The following ZNF514 variants were observed in gnomAD, a reference collection of about 807,000 sequenced individuals.
ZNF514 encodes zinc finger protein 514.
ZNF514 carries 12 observed loss-of-function variants against 9.7 expected under a neutral mutation model. That is an observed-to-expected ratio of 1.24 (90% CI 0.79 to 2.01). The LOEUF (loss-of-function observed/expected upper bound fraction) is 2.01. ZNF514 is among the 30% of genes most tolerant of loss of function. The probability of loss-of-function intolerance (pLI) is 0.00; values close to 1 mark genes in which losing one functional copy is unlikely to be tolerated. For missense variants in ZNF514, 467 were observed against 465.5 expected (o/e 1.00, Z -0.03); for synonymous variants, 158 against 163.7 (o/e 0.97, Z 0.27).
chr2:95,126,392 A>AAAAAAAAAAAAAAAAAAAAAAAAG, the ZNF514 span, among the ~76,000 whole-genome samples: 43 of 84,450 alleles, frequency 5.1e-4, no homozygotes, highest in Non-Finnish European at 7.0e-4. Flanking sequence ...AAAAAAAAAA[A>AAAAAAAAAAAAAAAAAAAAAAAAG]AAAGAAAGAA....
the ZNF514 span, among the ~76,000 whole-genome samples, chr2:95,130,229 C>T: frequency 2.0e-5 from 3 of 151,906 alleles, no homozygotes; most frequent in African/African-American, 7.3e-5. Context: ...AGGGAGTGTG[C>T]GAATAGGTGT....
the ZNF514 span, among the ~76,000 whole-genome samples, chr2:95,139,602 A>T: frequency 0.79 from 120,250 of 151,696 alleles, 47,988 homozygotes; most frequent in African/African-American, 0.87. Context: ...AAATAACTTG[A>T]TTTTTTTTAT....
Position 95,150,107 on chromosome 2 carries a change from C to T in ZNF514, c.378G>A (p.Gln126=), listed in dbSNP as rs1219867408. 1 of 1,612,576 alleles carries T rather than the reference C, an allele frequency of 6.2e-7. No individual in the cohort carries two copies. The highest frequency in any genetic ancestry group is 8.5e-7 in the Non-Finnish European group (1 of 1,180,018). The change falls in exon 5 of 5, where the codon CAG becomes CAA. Residue 126 remains glutamine, a synonymous_variant. Coordinates refer to ENST00000295208, the MANE Select transcript of ZNF514 (RefSeq NM_032788.3). ...TCAGGTGTCTCTCCTGTTTTATCTGCTGCATCTCTAACTGGCCATCACAAC... is the reference window on the plus strand; with the variant it reads ...TCAGGTGTCTCTCCTGTTTTATCTGTTGCATCTCTAACTGGCCATCACAAC... The part of the protein sequence containing the change: ...ACGCDGQLEM[Q]QIKQERHLKQ...
chr2:95,149,921 A>G lies in ZNF514; in HGVS notation c.564T>C (p.Thr188=). ...SYKCDTEFRQ[T]LGGNNSQRTH... is the part of the protein sequence containing the mutation. Reference sequence around the variant, plus strand: ...TTCTCTGAGAGTTGTTTCCCCCTAAAGTCTGCCTGAATTCTGTATCACATT... The same window carrying G: ...TTCTCTGAGAGTTGTTTCCCCCTAAGGTCTGCCTGAATTCTGTATCACATT... Residue 188 remains threonine (T), a synonymous_variant, in exon 5 of 5, where the codon ACT becomes ACC. Transcript: ENST00000295208. 3 of 1,614,208 alleles carry G rather than the reference A, an allele frequency of 1.9e-6. No individual in the cohort carries two copies. Among genetic ancestry groups the G allele is most frequent in the Non-Finnish European group, 2.5e-6 (3 of 1,180,028 alleles).
In ZNF514 at chr2:95,145,587, C is replaced by T. The variant is rs929879106; in HGVS notation, c.*3695G>A. Among the ~76,000 whole-genome samples the T allele has an allele frequency of 9.2e-5, 14 of 152,124 alleles. No homozygotes were observed. The highest frequency in any genetic ancestry group is 1.8e-4 in the Non-Finnish European group (12 of 68,028). ...TTGATTCCAGGTCTTTGGATAAACCCACTGCCAATCAGAAAATCTTTGAAT... is the reference window on the plus strand; with the variant it reads ...TTGATTCCAGGTCTTTGGATAAACCTACTGCCAATCAGAAAATCTTTGAAT... On this transcript the variant is annotated 3_prime_UTR_variant, in exon 5 of 5. Coordinates refer to ENST00000295208, the MANE Select transcript of ZNF514 (RefSeq NM_032788.3).
chr2:95,158,840 C>G, intron 1 of ZNF514: 1 of 1,286,582 alleles, frequency 7.8e-7, no homozygotes, highest in Non-Finnish European at 1.0e-6. Flanking sequence ...ACACGGAAGG[C>G]AGATGAAGTA....
At chr2:95,136,259 C>T in the ZNF514 span, among the ~76,000 whole-genome samples, 3 of 151,728 alleles carry the variant, frequency 2.0e-5, no homozygotes, top group Non-Finnish European at 4.4e-5. Flanking sequence ...TAAACATCTA[C>T]AATGCTTTTT....
chr2:95,137,118 T>A, the ZNF514 span, among the ~76,000 whole-genome samples: 1 of 152,158 alleles, frequency 6.6e-6, no homozygotes, highest in Non-Finnish European at 1.5e-5. Flanking sequence ...AAAGATAGTA[T>A]GAGAAGTGAT....
the ZNF514 span, among the ~76,000 whole-genome samples, chr2:95,131,882 C>T: frequency 1.3e-5 from 2 of 152,120 alleles, no homozygotes; most frequent in African/African-American, 4.8e-5. Flanking sequence ...GTGGCTCACA[C>T]CTGTAATCAC....
In ZNF514 at chr2:95,152,752, G is replaced by C. The variant is rs375276324; in HGVS notation, c.139C>G (p.Pro47Ala). 3.1e-6 allele frequency: 5 copies of C among 1,614,150 alleles called. No homozygotes were observed. Among genetic ancestry groups the C allele is most frequent in the Non-Finnish European group, 4.2e-6 (5 of 1,180,012 alleles). Residue 47 changes from proline (P) to alanine (A), a missense_variant, in exon 4 of 5, where the codon CCA becomes GCA. By Grantham distance (27) the Pro-to-Ala change is conservative (BLOSUM62 -1). Transcript: ENST00000295208. ...LAILGLLVSK[P>A]YVICQLEEGG... ...TCCTCCAACTGGCAGATCACATATG[G>C]TTTGGATACTAGAAGGCCTGATGGT...
At chr2:95,125,486 C>T in the ZNF514 span, among the ~76,000 whole-genome samples, 1 of 152,174 alleles carries the variant, frequency 6.6e-6, no homozygotes, top group Non-Finnish European at 1.5e-5. Context: ...GATTCACCCA[C>T]CTTGGCCTCC....
chr2:95,124,702 A>T, the ZNF514 span, among the ~76,000 whole-genome samples: 2 of 151,822 alleles, frequency 1.3e-5, no homozygotes, highest in Non-Finnish European at 2.9e-5. Flanking sequence ...GGGTTCCACC[A>T]TGTTGGCCAG....
rs559730550 is a variant in ZNF514 at position 95,149,593 on chromosome 2, C to T, written c.892G>A (p.Gly298Ser). 6.2e-7 allele frequency: 1 copy of T among 1,613,948 alleles called. No individual in the cohort carries two copies. Among genetic ancestry groups the T allele is most frequent in the South Asian group, 1.1e-5 (1 of 91,070 alleles). Reference protein sequence around the residue: ...YKCNECGRAFGHTSSLIKHQR... With the variant: ...YKCNECGRAFSHTSSLIKHQR... ...TGCTTAATAAGGGATGAAGTGTGAC[C>T]AAAGGCTCGTCCACATTCATTACAT... Residue 298 changes from glycine to serine, a missense_variant, in exon 5 of 5, where the codon GGT (glycine) becomes AGT (serine). Gly to Ser is a moderately conservative substitution (Grantham distance 56). Transcript: ENST00000295208.
intron 2 of ZNF514, chr2:95,154,173 C>G (rs868451234): frequency 1.3e-5 from 2 of 152,260 alleles, no homozygotes; most frequent in African/African-American, 2.4e-5. Context: ...GTGAAAGACA[C>G]GAGCTACAGG....
the ZNF514 span, among the ~76,000 whole-genome samples, chr2:95,123,496 G>C: frequency 6.6e-6 from 1 of 152,328 alleles, no homozygotes; most frequent in South Asian, 2.1e-4. Context: ...CCCAGAGTGG[G>C]ATTGCAGTAC....
intron 4 of ZNF514, among the ~76,000 whole-genome samples, chr2:95,151,289 T>G (rs370831097): frequency 2.6e-5 from 4 of 152,334 alleles, no homozygotes; most frequent in South Asian, 2.1e-4. Flanking sequence ...CAGAAAGATG[T>G]GTAAACCATT....
intron 4 of ZNF514, among the ~76,000 whole-genome samples, chr2:95,152,414 T>C (rs1187634054): frequency 6.6e-6 from 1 of 152,106 alleles, no homozygotes; most frequent in Non-Finnish European, 1.5e-5. Flanking sequence ...CTGTGAGACA[T>C]CTAGTGATGC....
rs557350923 is a variant in ZNF514, at chr2:95,150,016, C to A, written c.469G>T (p.Gly157Trp). ...LSRDYKWNGF[G>W]RSLGLRSVLV... ...ACTGATCTTAAACCTAAGCTTCTCCCAAATCCATTCCATTTATAATCTCTG... is the reference window on the plus strand; with the variant it reads ...ACTGATCTTAAACCTAAGCTTCTCCAAAATCCATTCCATTTATAATCTCTG... The change falls in exon 5 of 5, where the codon GGG (glycine) becomes TGG (tryptophan). Residue 157 changes from glycine (G) to tryptophan (W), a missense_variant. Physicochemically the swap from Gly to Trp is radical, Grantham distance 184. Coordinates refer to ENST00000295208, the MANE Select transcript of ZNF514 (RefSeq NM_032788.3). The A allele has an allele frequency of 3.7e-6, 6 of 1,614,158 alleles. No individual in the cohort carries two copies. The African/African-American group carries it at 6.7e-5, about 18-fold the overall frequency.
chr2:95,130,638 T>G, the ZNF514 span, among the ~76,000 whole-genome samples: 1 of 152,248 alleles, frequency 6.6e-6, no homozygotes, highest in Non-Finnish European at 1.5e-5. Flanking sequence ...CCATTTGCTT[T>G]TGAAAGAAGG....
Sources: gnomAD v4.1 joint callset for allele counts (sites outside exome capture counted in the v4.1 genomes callset) on GRCh38, gnomAD v4.1.1 for gene constraint, MANE v1.5 for transcripts, NCBI Gene and HGNC (gene_info 2026-07-23, HGNC 2026-07-21) for gene names.